Variants in C1QTNF5 observed in about 807,000 individuals in gnomAD.
The protein encoded by C1QTNF5 is complement C1q tumor necrosis factor-related protein 5.
A neutral mutation model predicts 10.9 loss-of-function variants in C1QTNF5; 5 were observed. The ratio of observed to expected loss-of-function variants is 0.46; its 90% CI spans 0.24 to 0.97. The LOEUF is 0.97. C1QTNF5 is among the 50% of genes least tolerant of loss of function. The pLI is 0.19. For synonymous variants in C1QTNF5, 161 were observed against 156.5 expected, an observed-to-expected ratio of 1.03 and a Z score of -0.22; for missense variants, 281 against 339.4, an observed-to-expected ratio of 0.83 and a Z score of 1.35.
chr11:119,342,556 C>T (rs1278855304), upstream of C1QTNF5: 31 of 1,609,758 alleles, frequency 1.9e-5, no homozygotes, highest in Non-Finnish European at 2.5e-5. Context: ...GTGAGGTGGG[C>T]ACCCAGCCTG....
chr11:119,339,636 A>AC lies in C1QTNF5; in HGVS notation c.426dup (p.Phe143ValfsTer25). The stretch of plus-strand genomic sequence containing the variant: ...TAGACCCCAGGCACCTGGCAGGTGA[A>AC]CTTGCCGGTGACGGCGTCGTAATGT... On this transcript the variant is annotated frameshift_variant, in exon 3 of 3. Transcript: ENST00000528368. LOFTEE classifies it high-confidence loss of function. The surrounding 1 kb of genome is among the most constrained non-coding windows in gnomAD (Gnocchi z 5.4). The AC allele has an allele frequency of 1.9e-6, 3 of 1,612,902 alleles. No homozygotes were observed. Among genetic ancestry groups the AC allele is most frequent in the Non-Finnish European group, 2.5e-6 (3 of 1,180,030 alleles).
upstream of C1QTNF5, chr11:119,345,569 G>C (rs36015759): frequency 6.2e-7 from 1 of 1,613,764 alleles, no homozygotes; most frequent in Non-Finnish European, 8.5e-7. Context: ...TGTTGGGGGG[G>C]TAAGGGTCTG....
the C1QTNF5 span, chr11:119,346,328 C>T: frequency 1.2e-6 from 2 of 1,613,998 alleles, no homozygotes; most frequent in South Asian, 2.2e-5. Context: ...TGGGGGAGGG[C>T]AGGGTGGCCC....
In C1QTNF5 at chr11:119,339,276, C is replaced by A; in HGVS notation, c.*55G>T. 1 of 1,570,640 alleles carries A rather than the reference C, an allele frequency of 6.4e-7. No individual in the cohort carries two copies. The highest frequency in any genetic ancestry group is 1.2e-5 in the South Asian group (1 of 85,866). ...CAGCCCTCCTGGATGACCTGGTTGTCAGCCTCACACCCTCCTTCTAGGAGT... is the reference window on the plus strand; with the variant it reads ...CAGCCCTCCTGGATGACCTGGTTGTAAGCCTCACACCCTCCTTCTAGGAGT... On this transcript the variant is annotated 3_prime_UTR_variant, in exon 3 of 3. Transcript: ENST00000528368. The surrounding 1 kb of genome is among the most constrained non-coding windows in gnomAD (Gnocchi z 5.4).
upstream of C1QTNF5, among the ~76,000 whole-genome samples, chr11:119,343,396 G>C (rs1402314550): frequency 6.6e-6 from 1 of 152,206 alleles, no homozygotes; most frequent in Non-Finnish European, 1.5e-5. Context: ...ATGTGCCTGT[G>C]ATCCCAGCTA....
upstream of C1QTNF5, chr11:119,344,177 C>T (rs777069267): frequency 7.2e-6 from 7 of 973,516 alleles, no homozygotes; most frequent in South Asian, 6.7e-5. Context: ...TAATAATATT[C>T]CCCCATCCCC....
upstream of C1QTNF5, chr11:119,344,632 C>T (rs1565294714): frequency 1.9e-6 from 3 of 1,614,044 alleles, no homozygotes; most frequent in Admixed American, 3.3e-5. Flanking sequence ...TGGCCCGTAC[C>T]CGAGAACTTG....
In C1QTNF5 at chr11:119,340,006, G is replaced by C. The variant is rs186486226; in HGVS notation, c.215-158C>G. On this transcript the variant is annotated intron_variant, in intron 2 of 2. Coordinates refer to ENST00000528368, the MANE Select transcript of C1QTNF5 (RefSeq NM_001278431.2). ...CTCCTCCACCCCTTCCCGCAGGGCA[G>C]ATCTGGGGGGCTGGCCAAGGGGGCT... is the stretch of plus-strand genomic sequence containing the variant. Among the ~76,000 whole-genome samples the C allele has an allele frequency of 7.0e-3, 1,072 of 152,272 alleles. 15 individuals carry two copies. The highest frequency in any genetic ancestry group is 0.025 in the African/African-American group (1,031 of 41,558).
At chr11:119,344,721 A>G, upstream of C1QTNF5, 1 of 1,613,996 alleles carries the variant, frequency 6.2e-7, no homozygotes, top group East Asian at 2.2e-5. Flanking sequence ...CAGGCAGATG[A>G]GCTGGTCACA....
At chr11:119,344,179 C>T (rs1950533464), upstream of C1QTNF5, 6 of 985,542 alleles carry the variant, frequency 6.1e-6, no homozygotes, top group African/African-American at 4.8e-5. Flanking sequence ...ATAATATTCC[C>T]CCATCCCCCG....
At chr11:119,345,079 G>A, upstream of C1QTNF5, 1 of 1,545,214 alleles carries the variant, frequency 6.5e-7, no homozygotes, top group South Asian at 1.2e-5. Flanking sequence ...CCTGGGCCTT[G>A]CAGTCCTATT....
intron 1 of C1QTNF5, 66 bp from the exon 2 acceptor site, chr11:119,340,506 G>A: frequency 9.6e-6 from 12 of 1,243,996 alleles, no homozygotes; most frequent in Non-Finnish European, 1.3e-5. Flanking sequence ...CCCCACCCCG[G>A]CGCGGCCCAG....
chr11:119,342,498 C>A (rs1950511964), upstream of C1QTNF5: 1 of 1,512,572 alleles, frequency 6.6e-7, no homozygotes, highest in Non-Finnish European at 8.9e-7. Context: ...GCCCCGCCCC[C>A]TCAGGGAGGT....
chr11:119,342,825 C>G (rs748321183), upstream of C1QTNF5: 22 of 1,612,936 alleles, frequency 1.4e-5, no homozygotes, highest in African/African-American at 2.8e-4. Context: ...TGTCTGTCCC[C>G]CTGGAGGTGC....
In C1QTNF5 at chr11:119,339,921, C is replaced by T; in HGVS notation, c.215-73G>A. ...CGCAGCGGGGCGGCGACTCTAAGGTCACCGTACCCCTCCCCGCCCCTGCCT... is the reference window on the plus strand; with the variant it reads ...CGCAGCGGGGCGGCGACTCTAAGGTTACCGTACCCCTCCCCGCCCCTGCCT... On this transcript the variant is annotated intron_variant, in intron 2 of 2. Coordinates refer to ENST00000528368, the MANE Select transcript of C1QTNF5 (RefSeq NM_001278431.2). This position sits in a 1 kb window ranked among gnomAD's most constrained non-coding sequence, Gnocchi z 5.4. The T allele has an allele frequency of 7.1e-7, 1 of 1,413,952 alleles. No individual in the cohort carries two copies. The highest frequency in any genetic ancestry group is 9.2e-7 in the Non-Finnish European group (1 of 1,088,536). The allele number at this position is 1,413,952 out of a possible 1,614,324, so 87.6% of individuals were successfully genotyped here.
At chr11:119,345,874 C>G (rs775861737), upstream of C1QTNF5, 1 of 1,613,504 alleles carries the variant, frequency 6.2e-7, no homozygotes, top group African/African-American at 1.3e-5. Flanking sequence ...CGTGGTAAGG[C>G]CTCCGGCAGG....
At chr11:119,341,264 A>G, upstream of C1QTNF5, 1 of 494,522 alleles carries the variant, frequency 2.0e-6, no homozygotes. Context: ...AAGCTGAAAA[A>G]GCAGATGGAA....
chr11:119,339,915 TAAGGTCA>T lies in C1QTNF5; in HGVS notation c.215-74_215-68del. 7.0e-7 allele frequency: 1 copy of T among 1,423,848 alleles called. No individual in the cohort carries two copies. The highest frequency in any genetic ancestry group is 9.1e-7 in the Non-Finnish European group (1 of 1,095,410). 88.2% of individuals were successfully genotyped at this position (1,423,848 alleles called of 1,614,324 possible). Reference sequence around the variant, plus strand: ...TCAGCCCGCAGCGGGGCGGCGACTCTAAGGTCACCGTACCCCTCCCCGCCCCTGCCTG... The same window carrying T: ...TCAGCCCGCAGCGGGGCGGCGACTCTCCGTACCCCTCCCCGCCCCTGCCTG... On this transcript the variant is annotated intron_variant, in intron 2 of 2. Coordinates refer to ENST00000528368, the MANE Select transcript of C1QTNF5 (RefSeq NM_001278431.2). The surrounding 1 kb of genome is among the most constrained non-coding windows in gnomAD (Gnocchi z 5.4).
chr11:119,346,516 C>A, the C1QTNF5 span: 7 of 1,614,020 alleles, frequency 4.3e-6, no homozygotes, highest in East Asian at 1.6e-4. Context: ...TCCTTCATGG[C>A]ACAAGGCTCT....
Sources: gnomAD v4.1 joint callset for allele counts (sites outside exome capture counted in the v4.1 genomes callset) on GRCh38, gnomAD v4.1.1 for gene constraint, Gnocchi (gnomAD v3.1) non-coding constraint, MANE v1.5 for transcripts, NCBI Gene and HGNC (gene_info 2026-07-23, HGNC 2026-07-21) for gene names.